The following MKRN2OS variants were observed in gnomAD, a reference collection of about 807,000 sequenced individuals.
The protein encoded by MKRN2OS is MKRN2 opposite strand.
A neutral mutation model predicts 18.2 loss-of-function variants in MKRN2OS; 17 were observed. The observed-to-expected ratio is 0.93, with a 90% CI of 0.64 to 1.40. MKRN2OS has a LOEUF of 1.40. Among genes scored for constraint, MKRN2OS ranks in the 40% most tolerant of loss-of-function variants. The pLI, the probability that MKRN2OS is intolerant of heterozygous loss-of-function variation, is 0.00. For synonymous variants in MKRN2OS, 121 were observed against 108.5 expected (o/e 1.12, Z -0.72); for missense variants, 337 against 283.0 (o/e 1.19, Z -1.37).
At chr3:12,547,123 ATAAAT>A (rs930538380), upstream of MKRN2OS, among the ~76,000 whole-genome samples, 9 of 152,244 alleles carry the variant, frequency 5.9e-5, no homozygotes, top group Non-Finnish European at 1.3e-4. Context: ...AAATAAATAA[ATAAAT>A]AAAATAAGCA....
At chr3:12,557,026 G>GGGGCGTGCGC in intron 1 of MKRN2OS, 1 of 1,044,186 alleles carries the variant, frequency 9.6e-7, no homozygotes, top group Non-Finnish European at 1.2e-6. Flanking sequence ...CACCGGAGGG[G>GGGGCGTGCGC]CGGCGTGCGC....
Position 12,541,979 on chromosome 3 carries a change from T to G in MKRN2OS, c.312A>C (p.Gly104=). 1 of 1,536,064 alleles carries G rather than the reference T, an allele frequency of 6.5e-7. No individual in the cohort carries two copies. The highest frequency in any genetic ancestry group is 8.7e-7 in the Non-Finnish European group (1 of 1,146,880). The change falls in exon 3 of 4, where the codon GGA becomes GGC. Residue 104 remains glycine (G), a synonymous_variant. Transcript: ENST00000564146. ...NYSAHGVQRD[G]EGWEESISIP... ...TGCTTATGCTCTCTTCCCACCCTTC[T>G]CCGTCTCGCTGGACACCATGTGCAC...
rs1283082075 is a variant in MKRN2OS at position 12,540,289 on chromosome 3, G to A, written c.576C>T (p.Phe192=). The A allele has an allele frequency of 1.3e-6, 2 of 1,536,146 alleles. No homozygotes were observed. Among genetic ancestry groups the A allele is most frequent in the Non-Finnish European group, 1.7e-6 (2 of 1,146,910 alleles). ...VVPRTRLASK[F]ITLYRAIREH... ...CCCGTATCGCCCGGTAGAGTGTGATGAACTTGGATGCCAGCCTTGTCCGCG... is the reference window on the plus strand; with the variant it reads ...CCCGTATCGCCCGGTAGAGTGTGATAAACTTGGATGCCAGCCTTGTCCGCG... Residue 192 remains phenylalanine (F), a synonymous_variant, in exon 4 of 4, where the codon TTC becomes TTT. Coordinates refer to ENST00000564146, the MANE Select transcript of MKRN2OS (RefSeq NM_001195279.2).
chr3:12,540,561 G>A (rs1211846626), intron 3 of MKRN2OS, 128 bp from the exon 4 acceptor site: 1 of 1,119,706 alleles, frequency 8.9e-7, no homozygotes, highest in African/African-American at 1.5e-5. Flanking sequence ...GCTGGCTTAT[G>A]TGGTTAAGAA....
chr3:12,556,730 T>C (rs1364043644), intron 1 of MKRN2OS, among the ~76,000 whole-genome samples: 2 of 151,634 alleles, frequency 1.3e-5, no homozygotes, highest in Non-Finnish European at 2.9e-5. Flanking sequence ...GATAGGGGCA[T>C]CCGGGATTAA....
At position 12,541,929 on chromosome 3, in the gene MKRN2OS, T is replaced by C. The variant is rs1244627128; in HGVS notation, c.362A>G (p.Tyr121Cys). Residue 121 changes from tyrosine (Y) to cysteine (C), a missense_variant, in exon 3 of 4, where the codon TAT becomes TGT. Transcript: ENST00000564146. ...CTTGTCCCATTGCTCCATCATTCCA[T>C]ACATGTTGGGCTGCAGTAATGGGAT... Reference protein sequence around the residue: ...ISIPLLQPNMYGMMEQWDKYL... With the variant: ...ISIPLLQPNMCGMMEQWDKYL... The C allele has an allele frequency of 2.1e-5, 33 of 1,535,950 alleles. No individual in the cohort carries two copies. The Admixed American group carries it at 2.7e-4, about 13-fold the overall frequency.
chr3:12,541,017 C>T (rs1201415625), intron 3 of MKRN2OS, among the ~76,000 whole-genome samples: 3 of 151,308 alleles, frequency 2.0e-5, no homozygotes, highest in African/African-American at 7.3e-5. Context: ...ATTTGGGGAA[C>T]TTATTGAACT....
Position 12,540,397 on chromosome 3 carries a change from TG to T in MKRN2OS, c.467del (p.Ala156AspfsTer9). 1 of 1,536,038 alleles carries T rather than the reference TG, an allele frequency of 6.5e-7. No individual in the cohort carries two copies. Among genetic ancestry groups the T allele is most frequent in the Non-Finnish European group, 8.7e-7 (1 of 1,146,896 alleles). On this transcript the variant is annotated frameshift_variant, in exon 4 of 4. Coordinates refer to ENST00000564146, the MANE Select transcript of MKRN2OS (RefSeq NM_001195279.2). LOFTEE classifies it low-confidence loss of function (END_TRUNC). ...EDNHHNCYSY[A>X]LTFINCVLMA... Reference sequence around the variant, plus strand: ...TCAGAACGCAGTTAATGAACGTGAGTGCGTAAGAGTAGCAGTTATGGTGGTT... The same window carrying T: ...TCAGAACGCAGTTAATGAACGTGAGTCGTAAGAGTAGCAGTTATGGTGGTT...
chr3:12,558,955 A>G (rs2058010279), intron 1 of MKRN2OS, among the ~76,000 whole-genome samples: 1 of 152,248 alleles, frequency 6.6e-6, no homozygotes, highest in Non-Finnish European at 1.5e-5. Flanking sequence ...GCCTAAGGTC[A>G]TTTAGCTTCC....
Position 12,560,171 on chromosome 3 carries a change from C to T in MKRN2OS, n.264+586G>A, listed in dbSNP as rs55918625. On this transcript the variant is annotated intron_variant and non_coding_transcript_variant, in intron 1 of 1. Transcript: ENST00000447550. ...TAGGATGAGCACTTACATGCATTTT[C>T]TCAGTTAAATGTCCCAGTAGTCTAT... 9.8e-3 allele frequency among the ~76,000 whole-genome samples: 1,499 copies of T among 152,304 alleles called. 11 individuals carry two copies. Among genetic ancestry groups the T allele is most frequent in the Non-Finnish European group, 0.015 (1,042 of 68,020 alleles).
chr3:12,551,473 C>T (rs1303856559), downstream of MKRN2OS, among the ~76,000 whole-genome samples: 3 of 141,224 alleles, frequency 2.1e-5, no homozygotes, highest in Non-Finnish European at 4.6e-5. Context: ...CCAGCCTGGG[C>T]AACAGAGCAA....
upstream of MKRN2OS, among the ~76,000 whole-genome samples, chr3:12,547,868 A>G (rs530029335): frequency 6.6e-6 from 1 of 150,524 alleles, no homozygotes; most frequent in East Asian, 1.9e-4. Flanking sequence ...GTGTTATAAC[A>G]TGAGAATGAT....
chr3:12,546,575 A>ATTTTTTTTTTTTTTT (rs1160434615), upstream of MKRN2OS, among the ~76,000 whole-genome samples: 3 of 97,102 alleles, frequency 3.1e-5, no homozygotes, highest in African/African-American at 1.4e-4. Context: ...GGTACATGGG[A>ATTTTTTTTTTTTTTT]TTTTTTTTTT....
In MKRN2OS at chr3:12,540,393, TGA is replaced by T; in HGVS notation, c.470_471del (p.Leu157HisfsTer4). Reference sequence around the variant, plus strand: ...GCCATCAGAACGCAGTTAATGAACGTGAGTGCGTAAGAGTAGCAGTTATGGTG... The same window carrying T: ...GCCATCAGAACGCAGTTAATGAACGTGTGCGTAAGAGTAGCAGTTATGGTG... ...DNHHNCYSYA[L>X]TFINCVLMAE... On this transcript the variant is annotated frameshift_variant, in exon 4 of 4. Transcript: ENST00000564146. LOFTEE classifies it low-confidence loss of function (END_TRUNC). The T allele has an allele frequency of 6.5e-7, 1 of 1,536,114 alleles. No homozygotes were observed. Among genetic ancestry groups the T allele is most frequent in the Non-Finnish European group, 8.7e-7 (1 of 1,146,908 alleles).
At chr3:12,555,703 T>A (rs191568006) in intron 1 of MKRN2OS, among the ~76,000 whole-genome samples, 55 of 152,328 alleles carry the variant, frequency 3.6e-4, no homozygotes, top group African/African-American at 1.3e-3. Flanking sequence ...AAGTATTGCC[T>A]GGGAAGGACC....
rs1419961935 is a variant in MKRN2OS, at chr3:12,541,951, G to T, written c.340C>A (p.Pro114Thr). The T allele has an allele frequency of 2.0e-6, 3 of 1,535,890 alleles. No individual in the cohort carries two copies. The highest frequency in any genetic ancestry group is 4.9e-5 in the East Asian group (2 of 40,934). ...GEGWEESISIPLLQPNMYGMM... is the reference protein window; with the variant it reads ...GEGWEESISITLLQPNMYGMM... ...CCATACATGTTGGGCTGCAGTAATG[G>T]GATGCTTATGCTCTCTTCCCACCCT... The change falls in exon 3 of 4, where the codon CCA (proline) becomes ACA (threonine). Residue 114 changes from proline to threonine, a missense_variant. Physicochemically the swap from Pro to Thr is conservative, Grantham distance 38. Coordinates refer to ENST00000564146, the MANE Select transcript of MKRN2OS (RefSeq NM_001195279.2).
intron 1 of MKRN2OS, among the ~76,000 whole-genome samples, chr3:12,558,473 C>T (rs2058003991): frequency 6.6e-6 from 1 of 152,178 alleles, no homozygotes; most frequent in African/African-American, 2.4e-5. Flanking sequence ...TCCCCTCGCT[C>T]TATGGTTTAA....
In MKRN2OS at chr3:12,545,367, T is replaced by C. The variant is rs1318759353; in HGVS notation, c.98A>G (p.Gln33Arg). 2 of 1,535,984 alleles carry C rather than the reference T, an allele frequency of 1.3e-6. No individual in the cohort carries two copies. Among genetic ancestry groups the C allele is most frequent in the South Asian group, 1.2e-5 (1 of 84,062 alleles). Residue 33 changes from glutamine (Q) to arginine (R), a missense_variant, in exon 1 of 4, where the codon CAG (glutamine) becomes CGG (arginine). Physicochemically the swap from Gln to Arg is conservative, Grantham distance 43 (BLOSUM62 1). Coordinates refer to ENST00000564146, the MANE Select transcript of MKRN2OS (RefSeq NM_001195279.2). ...CAGCTTCCTCGAGCCCAGGTCCTGC[T>C]GGCAGAGAGGGCAGCACTGGGGCAC... is the stretch of plus-strand genomic sequence containing the variant. ...FSVPQCCPLC[Q>R]QDLGSRKLED...
downstream of MKRN2OS, among the ~76,000 whole-genome samples, chr3:12,552,650 A>ATCTG (rs373405981): frequency 1 from 151,588 of 151,590 alleles, 75,793 homozygotes; most frequent in Non-Finnish European, 1. Context: ...ACCTCAGGTG[A>ATCTG]TTTGCTCACC....
Sources: allele counts gnomAD v4.1 joint callset (sites outside exome capture counted in the v4.1 genomes callset), GRCh38; gene constraint gnomAD v4.1.1; transcripts MANE v1.5; gene names NCBI Gene and HGNC (gene_info 2026-07-23, HGNC 2026-07-21).